The following COL19A1 variants were observed in gnomAD, a reference collection of about 807,000 sequenced individuals.
COL19A1 encodes the protein collagen type XIX alpha 1 chain, also known as collagen alpha-1(XIX) chain.
COL19A1 carries 159 observed loss-of-function variants against 190.2 expected under a neutral mutation model. The ratio of observed to expected loss-of-function variants is 0.84; its 90% CI spans 0.73 to 0.95. The LOEUF (loss-of-function observed/expected upper bound fraction) is 0.95, where lower values mean the gene tolerates loss of function less well. COL19A1 is among the 40% of genes least tolerant of loss of function. The pLI, the probability that COL19A1 is intolerant of heterozygous loss-of-function variation, is 0.00. For missense variants in COL19A1, 1,418 were observed against 1,431.9 expected, an observed-to-expected ratio of 0.99 and a Z score of 0.16; for synonymous variants, 509 against 458.9, an observed-to-expected ratio of 1.11 and a Z score of -1.39.
rs531084043 is a variant in COL19A1, at chr6:69,880,750, G to T, written c.91+1092G>T. On this transcript the variant is annotated intron_variant, in intron 2 of 50. Coordinates refer to ENST00000620364, the MANE Select transcript of COL19A1 (RefSeq NM_001858.6). ...TGTGGCTGTCATACAATTTGGGGGG[G>T]AAACTCTTTCTTCAGTGAGAAATTA... 2.6e-5 allele frequency among the ~76,000 whole-genome samples: 4 copies of T among 152,220 alleles called. No individual in the cohort carries two copies. In the South Asian group the frequency reaches 8.3e-4, roughly 31 times the overall value.
In COL19A1 at chr6:70,163,895, T is replaced by C. The variant is rs148034993; in HGVS notation, c.2400+499T>C. On this transcript the variant is annotated intron_variant, in intron 36 of 50. Transcript: ENST00000620364. ...CTGACAGAGTCTGCCTTCTTGTTCA[T>C]AGATGTCACCTACTAGCTGTGTCCT... 1.6e-4 allele frequency among the ~76,000 whole-genome samples: 24 copies of C among 152,316 alleles called. 1 individual carries two copies. The highest frequency in any genetic ancestry group is 5.5e-4 in the African/African-American group (23 of 41,572).
chr6:70,007,391 T>C (rs1777699091), intron 11 of COL19A1, among the ~76,000 whole-genome samples: 1 of 152,050 alleles, frequency 6.6e-6, no homozygotes, highest in South Asian at 2.1e-4. Flanking sequence ...TATACAAAGA[T>C]GTACTATGTA....
intron 34 of COL19A1, among the ~76,000 whole-genome samples, chr6:70,158,926 C>G (rs1423724751): frequency 2.0e-5 from 3 of 152,020 alleles, no homozygotes; most frequent in African/African-American, 7.2e-5. Context: ...CTAAAATTAT[C>G]TTATTGCCCT....
intron 42 of COL19A1, among the ~76,000 whole-genome samples, chr6:70,177,670 A>G (rs920512197): frequency 3.3e-5 from 5 of 152,202 alleles, no homozygotes; most frequent in African/African-American, 4.8e-5. Context: ...ACTTAATTCT[A>G]TTCCCTCACT....
intron 11 of COL19A1, among the ~76,000 whole-genome samples, chr6:70,005,162 C>A (rs1461623402): frequency 1.3e-5 from 2 of 152,154 alleles, no homozygotes; most frequent in African/African-American, 2.4e-5. Flanking sequence ...ATTCTTCCAT[C>A]TCATCCTCCG....
intron 17 of COL19A1, among the ~76,000 whole-genome samples, chr6:70,127,847 G>C (rs1422418730): frequency 6.6e-6 from 1 of 152,114 alleles, no homozygotes; most frequent in African/African-American, 2.4e-5. Context: ...TGGGAATTGT[G>C]GGAGCTACAA....
At chr6:70,195,624 G>A (rs1302914783) in intron 48 of COL19A1, among the ~76,000 whole-genome samples, 1 of 152,086 alleles carries the variant, frequency 6.6e-6, no homozygotes, top group East Asian at 1.9e-4. Flanking sequence ...GATGGGGAGA[G>A]GCACCTGCCT....
Position 69,929,498 on chromosome 6 carries a change from A to G in COL19A1, c.464A>G (p.Asn155Ser). ...CAAGCCACAGAGGGAGATGTGTTGA[A>G]CTACATTTTTAGAAATCGAGAACTC... is the stretch of plus-strand genomic sequence containing the variant. ...MFQATEGDVLNYIFRNRELRP... is the reference protein window; with the variant it reads ...MFQATEGDVLSYIFRNRELRP... The change falls in exon 6 of 51, where the codon AAC (asparagine) becomes AGC (serine). Residue 155 changes from asparagine (N) to serine (S), a missense_variant. Coordinates refer to ENST00000620364, the MANE Select transcript of COL19A1 (RefSeq NM_001858.6). 6.2e-7 allele frequency: 1 copy of G among 1,614,044 alleles called. No homozygotes were observed.
intron 11 of COL19A1, among the ~76,000 whole-genome samples, chr6:69,995,046 ACTCT>A (rs768066606): frequency 1.2e-4 from 18 of 151,672 alleles, no homozygotes; most frequent in Non-Finnish European, 2.2e-4. Flanking sequence ...TCACATACAC[ACTCT>A]CTCTTTCTTT....
intron 15 of COL19A1, among the ~76,000 whole-genome samples, chr6:70,092,222 G>T (rs1284961190): frequency 2.0e-5 from 3 of 151,984 alleles, no homozygotes; most frequent in African/African-American, 7.2e-5. Context: ...ACTTTTCAGG[G>T]GATATAATGT....
chr6:70,179,366 G>T (rs1462248119), intron 42 of COL19A1, among the ~76,000 whole-genome samples: 3 of 152,188 alleles, frequency 2.0e-5, no homozygotes, highest in Non-Finnish European at 2.9e-5. Context: ...ACAGGAGGTG[G>T]TTCCTTCTCA....
intron 41 of COL19A1, 39 bp downstream of exon 41, chr6:70,172,056 A>G (rs746149317): frequency 6.3e-6 from 10 of 1,595,264 alleles, no homozygotes; most frequent in Middle Eastern, 1.7e-4. Context: ...TTTATTCAAC[A>G]TTCAAAATTG....
In COL19A1 at chr6:70,113,127, T is replaced by G. The variant is rs1243550844; in HGVS notation, c.1279-8753T>G. On this transcript the variant is annotated intron_variant, in intron 16 of 50. Transcript: ENST00000620364. ...TAGATCTTTCAAGGTATGGTGCCAG[T>G]ATATGCCAAGGTGGGGGAAAAGCTA... 3.9e-5 allele frequency among the ~76,000 whole-genome samples: 6 copies of G among 152,128 alleles called. No individual in the cohort carries two copies. In the South Asian group the frequency reaches 8.3e-4, roughly 21 times the overall value.
chr6:69,992,569 A>AT (rs773185528), intron 11 of COL19A1, among the ~76,000 whole-genome samples: 10 of 151,946 alleles, frequency 6.6e-5, no homozygotes, highest in Non-Finnish European at 7.4e-5. Flanking sequence ...AACAATATTG[A>AT]TTTTTTCTAT....
Position 70,168,877 on chromosome 6 carries a change from G to T in COL19A1, c.2568+196G>T, listed in dbSNP as rs554055196. Among the ~76,000 whole-genome samples the T allele has an allele frequency of 7.9e-5, 12 of 152,276 alleles. No individual in the cohort carries two copies. In the East Asian group the frequency reaches 2.3e-3, roughly 29 times the overall value. On this transcript the variant is annotated intron_variant, in intron 40 of 50. Transcript: ENST00000620364. ...ATGCATTAGTCCTGATGTTGTCACT[G>T]CCCTTGAGGTTTGTCTCTTTCCGTC...
intron 16 of COL19A1, among the ~76,000 whole-genome samples, chr6:70,106,744 C>G (rs1437801403): frequency 6.6e-6 from 1 of 152,132 alleles, no homozygotes; most frequent in African/African-American, 2.4e-5. Context: ...GGAAAAAGCT[C>G]CCAAAGTGTC....
At chr6:69,941,133 G>C (rs549294913) in intron 9 of COL19A1, among the ~76,000 whole-genome samples, 1 of 152,104 alleles carries the variant, frequency 6.6e-6, no homozygotes, top group Non-Finnish European at 1.5e-5. Context: ...TTTTCTTTTT[G>C]ATCTGTAAGC....
chr6:69,922,898 C>T (rs1367571685), intron 4 of COL19A1, among the ~76,000 whole-genome samples: 1 of 152,138 alleles, frequency 6.6e-6, no homozygotes, highest in Non-Finnish European at 1.5e-5. Flanking sequence ...GTTGGGACTG[C>T]ACTTAGGCTT....
intron 31 of COL19A1, 37 bp from the exon 32 acceptor site, chr6:70,156,090 A>G (rs763411886): frequency 1.9e-5 from 30 of 1,587,542 alleles, no homozygotes; most frequent in Non-Finnish European, 2.4e-5. Context: ...GACGGCTTTT[A>G]TGACTCCCTC....
Sources: allele counts gnomAD v4.1 joint callset (sites outside exome capture counted in the v4.1 genomes callset), GRCh38; gene constraint gnomAD v4.1.1; transcripts MANE v1.5; gene names NCBI Gene and HGNC (gene_info 2026-07-23, HGNC 2026-07-21).